The following PRKDC variants were observed in gnomAD, a reference collection of about 807,000 sequenced individuals.
The protein encoded by PRKDC is protein kinase, DNA-activated, catalytic subunit.
A neutral mutation model predicts 486.9 loss-of-function variants in PRKDC; 82 were observed. The observed-to-expected ratio is 0.17, with a 90% CI of 0.14 to 0.20. The LOEUF is 0.20. Among genes scored for constraint, PRKDC ranks in the 10% least tolerant of loss-of-function variants. The pLI, the probability that PRKDC is intolerant of heterozygous loss-of-function variation, is 1.00. For missense variants in PRKDC, 4,504 were observed against 5,038.2 expected (o/e 0.89, Z 3.21); for synonymous variants, 1,895 against 1,837.0 (o/e 1.03, Z -0.81).
Position 47,826,713 on chromosome 8 carries a change from C to T in PRKDC, c.8726G>A (p.Arg2909Gln). The T allele has an allele frequency of 1.2e-6, 2 of 1,613,390 alleles. No individual in the cohort carries two copies. Among genetic ancestry groups the T allele is most frequent in the Non-Finnish European group, 8.5e-7 (1 of 1,179,820 alleles). The part of the protein sequence containing the change: ...RLLPAELPAK[R>Q]VRGKARLPPD... ...AGGGAGGCGGGCCTTCCCACGGACT[C>T]GCTTGGCAGGCAGCTCAGCAGGCAG... Residue 2909 changes from arginine to glutamine, a missense_variant, in exon 63 of 86, where the codon CGA becomes CAA. By Grantham distance (43) the Arg-to-Gln change is conservative. This residue lies in a region of PRKDC where 1,592 missense variants were observed against 1,724.6 expected (regional missense o/e 0.92). Coordinates refer to ENST00000314191, the MANE Select transcript of PRKDC (RefSeq NM_006904.7).
chr8:47,924,175 G>A (rs898875005), intron 21 of PRKDC, among the ~76,000 whole-genome samples: 7 of 152,022 alleles, frequency 4.6e-5, no homozygotes, highest in East Asian at 1.9e-4. Context: ...CTTACTTTCC[G>A]GATGTTCTAT....
In PRKDC at chr8:47,782,622, C is replaced by T; in HGVS notation, c.11176-24G>A. ...ACCTTCAAAAATCAGAATGTCATCT[C>T]AGGGCACAGGCTAGCCACGTGTCAA... is the stretch of plus-strand genomic sequence containing the variant. On this transcript the variant is annotated intron_variant, in intron 78 of 85. Coordinates refer to ENST00000314191, the MANE Select transcript of PRKDC (RefSeq NM_006904.7). The surrounding 1 kb of genome is among the most constrained non-coding windows in gnomAD (Gnocchi z 4.9). 6.5e-7 allele frequency: 1 copy of T among 1,549,144 alleles called. No individual in the cohort carries two copies. The highest frequency in any genetic ancestry group is 8.7e-7 in the Non-Finnish European group (1 of 1,146,550).
chr8:47,833,484 C>G (rs1043215578), intron 59 of PRKDC, among the ~76,000 whole-genome samples: 8 of 152,238 alleles, frequency 5.3e-5, no homozygotes, highest in African/African-American at 1.9e-4. Context: ...CCGTCTAGTT[C>G]TGGTCATCTG....
chr8:47,949,634 G>GT (rs1196347512), intron 7 of PRKDC, among the ~76,000 whole-genome samples: 2 of 152,326 alleles, frequency 1.3e-5, no homozygotes, highest in East Asian at 1.9e-4. Flanking sequence ...AAATATGACC[G>GT]TAAGTGCTGT....
Position 47,777,771 on chromosome 8 carries a change from T to G in PRKDC, c.11957A>C (p.His3986Pro), listed in dbSNP as rs756320250. The G allele has an allele frequency of 6.2e-7, 1 of 1,613,962 alleles. No homozygotes were observed. Among genetic ancestry groups the G allele is most frequent in the South Asian group, 1.1e-5 (1 of 91,076 alleles). ...GTCTGAGCGGAAGGCCCGGAGTGCG[T>G]GTACCATGATGCTGTACATAAGGCC... The part of the protein sequence containing the change: ...ETGLMYSIMV[H>P]ALRAFRSDPG... The change falls in exon 84 of 86, where the codon CAC (histidine) becomes CCC (proline). Residue 3986 changes from histidine (H) to proline (P), a missense_variant. Physicochemically the swap from His to Pro is moderately conservative, Grantham distance 77. This residue lies in a region of PRKDC where 706 missense variants were observed against 945.0 expected (regional missense o/e 0.75). Coordinates refer to ENST00000314191, the MANE Select transcript of PRKDC (RefSeq NM_006904.7).
chr8:47,918,359 A>G lies in PRKDC; in HGVS notation c.2444T>C (p.Val815Ala). The part of the protein sequence containing the change: ...LSDETKNNWE[V>A]SALSRAAQKG... ...CTGGGCAGCCCGAGAAAGAGCTGAC[A>G]CTTCCCAGTTATTCTTGGTCTCATC... is the stretch of plus-strand genomic sequence containing the variant. The change falls in exon 22 of 86, where the codon GTG becomes GCG. Residue 815 changes from valine (V) to alanine (A), a missense_variant. Val to Ala is a moderately conservative substitution (Grantham distance 64). Transcript: ENST00000314191. The G allele has an allele frequency of 6.3e-7, 1 of 1,588,390 alleles. No individual in the cohort carries two copies. Among genetic ancestry groups the G allele is most frequent in the Non-Finnish European group, 8.6e-7 (1 of 1,166,180 alleles).
rs2087039617 is a variant in PRKDC, at chr8:47,798,984, T to C, written c.10297+226A>G. On this transcript the variant is annotated intron_variant, in intron 72 of 85. Coordinates refer to ENST00000314191, the MANE Select transcript of PRKDC (RefSeq NM_006904.7). ...CCACCACGCCCAGCTAATTTTTTTG[T>C]ATTCTTAGTAGAGTTGGGGTTTCAC... is the stretch of plus-strand genomic sequence containing the variant. Among the ~76,000 whole-genome samples, 2 of 152,148 alleles carry C rather than the reference T, an allele frequency of 1.3e-5. 1 individual carries two copies. The highest frequency in any genetic ancestry group is 4.1e-4 in the South Asian group (2 of 4,826).
In PRKDC at chr8:47,782,067, TG is replaced by T; in HGVS notation, c.11489+94del. 1.9e-6 allele frequency: 2 copies of T among 1,064,316 alleles called. No individual in the cohort carries two copies. The highest frequency in any genetic ancestry group is 2.8e-6 in the Non-Finnish European group (2 of 706,458). 65.9% of individuals were successfully genotyped at this position (1,064,316 alleles called of 1,614,324 possible). A position where few individuals can be genotyped will look rare whatever the true frequency, so the allele number is the denominator to read the frequency against. The stretch of plus-strand genomic sequence containing the variant: ...CCAGCAGACTGCGGGGCAGGCAGTG[TG>T]GGCTCTCGAGCGCGCCTGTCACGGC... On this transcript the variant is annotated intron_variant, in intron 80 of 85. Transcript: ENST00000314191. This position sits in a 1 kb window ranked among gnomAD's most constrained non-coding sequence, Gnocchi z 4.9.
chr8:47,783,636 T>C (rs1382387554), intron 78 of PRKDC, 106 bp downstream of exon 78: 1 of 1,071,066 alleles, frequency 9.3e-7, no homozygotes, highest in African/African-American at 1.6e-5. Flanking sequence ...TTGATATATC[T>C]GTGATCAACA....
chr8:47,888,788 T>C, intron 33 of PRKDC, 138 bp from the exon 34 acceptor site: 2 of 1,291,082 alleles, frequency 1.5e-6, no homozygotes, highest in Non-Finnish European at 2.1e-6. Flanking sequence ...TAAGCTAGCA[T>C]GGAGATCAAA....
In PRKDC at chr8:47,936,446, C is replaced by G. The variant is rs1055923070; in HGVS notation, c.1185G>C (p.Met395Ile). Residue 395 changes from methionine (M) to isoleucine (I), a missense_variant, in exon 12 of 86, where the codon ATG becomes ATC. Transcript: ENST00000314191. ...YVELIQRCKQ[M>I]FLTQTDTGDD... ...CACCAGTGTCTGTCTGGGTGAGGAA[C>G]ATCTGCTTGCAGCGCTGAATGAGCT... The G allele has an allele frequency of 1.9e-6, 3 of 1,613,908 alleles. No individual in the cohort carries two copies. Among genetic ancestry groups the G allele is most frequent in the Admixed American group, 3.3e-5 (2 of 60,000 alleles).
rs1265165747 is a variant in PRKDC at position 47,893,398 on chromosome 8, A to G, written c.3599-11T>C. On this transcript the variant is annotated splice_polypyrimidine_tract_variant and intron_variant, in intron 30 of 85. Coordinates refer to ENST00000314191, the MANE Select transcript of PRKDC (RefSeq NM_006904.7). ...TAGGGGATCTGTTGCCTTTAAAAAGAAACAAAATTAAAATGCACACATATA... is the reference window on the plus strand; with the variant it reads ...TAGGGGATCTGTTGCCTTTAAAAAGGAACAAAATTAAAATGCACACATATA... 6 of 1,486,154 alleles carry G rather than the reference A, an allele frequency of 4.0e-6. No individual in the cohort carries two copies. Among genetic ancestry groups the G allele is most frequent in the Non-Finnish European group, 5.4e-6 (6 of 1,113,226 alleles). The allele number at this position is 1,486,154 out of a possible 1,614,324, so 92.1% of individuals were successfully genotyped here.
At chr8:47,958,102 A>T (rs572666841) in intron 1 of PRKDC, among the ~76,000 whole-genome samples, 1 of 152,358 alleles carries the variant, frequency 6.6e-6, no homozygotes, top group East Asian at 1.9e-4. Context: ...ATGTAATCAC[A>T]CAGGCCCTTA....
Position 47,872,453 on chromosome 8 carries a change from G to T in PRKDC, c.5363+5271C>A, listed in dbSNP as rs1414281441. On this transcript the variant is annotated intron_variant, in intron 40 of 85. Transcript: ENST00000314191. ...TCAACAACAACATTGAATGTAAATG[G>T]ATTGAACTGTCCAATAAAAATAAAG... 6.8e-5 allele frequency among the ~76,000 whole-genome samples: 10 copies of T among 146,090 alleles called. No individual in the cohort carries two copies. In the Admixed American group the frequency reaches 6.9e-4, roughly 10 times the overall value.
At position 47,939,602 on chromosome 8, in the gene PRKDC, C is replaced by T. The variant is rs377710279; in HGVS notation, c.1062G>A (p.Ser354=). 34 of 1,613,306 alleles carry T rather than the reference C, an allele frequency of 2.1e-5. No homozygotes were observed. Among genetic ancestry groups the T allele is most frequent in the Non-Finnish European group, 2.8e-5 (33 of 1,179,480 alleles). ...TAGCAATAGATAACTCCTTGTTGTT[C>T]GAATCCACATTTCTGATGATTCCAT... is the stretch of plus-strand genomic sequence containing the variant. ...QFYGIIRNVD[S]NNKELSIAIR... is the part of the protein sequence containing the mutation. Residue 354 remains serine (S), a synonymous_variant, in exon 11 of 86, where the codon TCG becomes TCA. Coordinates refer to ENST00000314191, the MANE Select transcript of PRKDC (RefSeq NM_006904.7).
At chr8:47,931,732 G>C (rs555765805) in intron 16 of PRKDC, among the ~76,000 whole-genome samples, 1 of 152,120 alleles carries the variant, frequency 6.6e-6, no homozygotes, top group Admixed American at 6.5e-5. Context: ...GCATGAACTC[G>C]AATCAGCACC....
At chr8:47,944,232 A>G (rs1174825095) in intron 7 of PRKDC, among the ~76,000 whole-genome samples, 6 of 152,192 alleles carry the variant, frequency 3.9e-5, no homozygotes, top group Admixed American at 2.6e-4. Flanking sequence ...AAAATCTGGA[A>G]TAACAAAGAC....
At chr8:47,884,033 T>C (rs1351093417) in intron 36 of PRKDC, among the ~76,000 whole-genome samples, 1 of 152,282 alleles carries the variant, frequency 6.6e-6, no homozygotes, top group Non-Finnish European at 1.5e-5. Context: ...CAAGGGCAGA[T>C]GCTGAACTGA....
chr8:47,902,747 G>C lies in PRKDC; in HGVS notation c.3091C>G (p.Arg1031Gly). The change falls in exon 27 of 86, where the codon CGG becomes GGG. Residue 1031 changes from arginine to glycine, a missense_variant. Physicochemically the swap from Arg to Gly is moderately radical, Grantham distance 125 (BLOSUM62 -2). Transcript: ENST00000314191. ...CATTTAAGGAATTCTCGAATACACC[G>C]ACCACAAAAATCTCTTAAAGTACTG... ...VDSTLRDFCG[R>G]CIREFLKWSI... is the part of the protein sequence containing the mutation. The C allele has an allele frequency of 1.2e-6, 2 of 1,613,418 alleles. No individual in the cohort carries two copies. Among genetic ancestry groups the C allele is most frequent in the Non-Finnish European group, 1.7e-6 (2 of 1,179,664 alleles).
Sources: gnomAD v4.1 joint callset for allele counts (sites outside exome capture counted in the v4.1 genomes callset) on GRCh38, gnomAD v4.1.1 for gene constraint, gnomAD v4.1.1 regional missense constraint, Gnocchi (gnomAD v3.1) non-coding constraint, MANE v1.5 for transcripts, NCBI Gene and HGNC (gene_info 2026-07-23, HGNC 2026-07-21) for gene names.